The following MAGI2 variants were observed in gnomAD, a reference collection of about 807,000 sequenced individuals.
MAGI2 encodes membrane associated guanylate kinase, WW and PDZ domain containing 2, also known as membrane-associated guanylate kinase, WW and PDZ domain-containing protein 2.
Under a neutral mutation model 133.3 loss-of-function variants are expected in MAGI2, and 35 were observed. That is an observed-to-expected ratio of 0.26 (90% CI 0.20 to 0.35). MAGI2 has a LOEUF of 0.35. MAGI2 is among the 10% of genes least tolerant of loss of function. The pLI, the probability that MAGI2 is intolerant of heterozygous loss-of-function variation, is 1.00. For missense variants in MAGI2, 1,636 were observed against 1,863.4 expected, an observed-to-expected ratio of 0.88 and a Z score of 2.25; for synonymous variants, 729 against 710.6, an observed-to-expected ratio of 1.03 and a Z score of -0.41.
At chr7:78,693,146 C>T (rs145787463) in intron 2 of MAGI2, among the ~76,000 whole-genome samples, 1 of 152,258 alleles carries the variant, frequency 6.6e-6, no homozygotes, top group East Asian at 1.9e-4. Context: ...TTGCCACTTG[C>T]TGGTTGTGAA....
chr7:79,358,090 C>A (rs1842142825), intron 1 of MAGI2, among the ~76,000 whole-genome samples: 1 of 151,802 alleles, frequency 6.6e-6, no homozygotes, highest in Admixed American at 6.6e-5. Context: ...TATTAATGAG[C>A]TACTAGGTCC....
chr7:79,023,767 A>G (rs1479893298), intron 1 of MAGI2, among the ~76,000 whole-genome samples: 1 of 152,106 alleles, frequency 6.6e-6, no homozygotes, highest in Non-Finnish European at 1.5e-5. Context: ...ACCTAGGAAT[A>G]CAGTTAACCA....
At chr7:78,443,894 A>G (rs2151465248) in intron 6 of MAGI2, among the ~76,000 whole-genome samples, 1 of 152,242 alleles carries the variant, frequency 6.6e-6, no homozygotes, top group East Asian at 1.9e-4. Flanking sequence ...TTCTTTTCTT[A>G]GGAAGTAATA....
chr7:79,159,884 C>T (rs1824192146), intron 1 of MAGI2, among the ~76,000 whole-genome samples: 1 of 152,004 alleles, frequency 6.6e-6, no homozygotes, highest in Non-Finnish European at 1.5e-5. Context: ...TTTTATTCTG[C>T]ATGCTGTTAT....
intron 2 of MAGI2, among the ~76,000 whole-genome samples, chr7:78,842,695 T>A (rs574416337): frequency 6.6e-6 from 1 of 151,912 alleles, no homozygotes; most frequent in South Asian, 2.1e-4. Context: ...AAGAAAAAAA[T>A]CCTATATGCT....
intron 3 of MAGI2, among the ~76,000 whole-genome samples, chr7:78,596,801 C>T (rs566932261): frequency 1.7e-4 from 26 of 152,320 alleles, no homozygotes; most frequent in African/African-American, 6.0e-4. Context: ...GTCATCAAGA[C>T]ATCCTCATCT....
At chr7:78,667,637 A>G (rs1016731748) in intron 2 of MAGI2, among the ~76,000 whole-genome samples, 13 of 148,688 alleles carry the variant, frequency 8.7e-5, no homozygotes, top group East Asian at 2.0e-4. Context: ...GAGAACATGC[A>G]GTGTTTGGTT....
rs571227551 is a variant in MAGI2 at position 78,085,866 on chromosome 7, G to C, written c.3568-6781C>G. Among the ~76,000 whole-genome samples the C allele has an allele frequency of 2.0e-3, 289 of 144,660 alleles. 2 individuals carry two copies. The highest frequency in any genetic ancestry group is 1.6e-3 in the Non-Finnish European group (107 of 67,716). The allele number at this position is 144,660 out of a possible 152,430, so 94.9% of individuals were successfully genotyped here. Reference sequence around the variant, plus strand: ...TGTGTTTAGAAAAGATGTAGTCACAGCTCAGAAAATATCCGGCCTTTGACT... The same window carrying C: ...TGTGTTTAGAAAAGATGTAGTCACACCTCAGAAAATATCCGGCCTTTGACT... On this transcript the variant is annotated intron_variant, in intron 20 of 21. Transcript: ENST00000354212.
intron 21 of MAGI2, among the ~76,000 whole-genome samples, chr7:78,074,651 C>A (rs758968063): frequency 1.4e-4 from 22 of 152,150 alleles, no homozygotes; most frequent in Non-Finnish European, 3.1e-4. Flanking sequence ...TTTGCTGTTA[C>A]CCAATTCTGC....
At chr7:79,088,475 C>T (rs1393584435) in intron 1 of MAGI2, among the ~76,000 whole-genome samples, 1 of 152,054 alleles carries the variant, frequency 6.6e-6, no homozygotes, top group African/African-American at 2.4e-5. Flanking sequence ...AATTTGACTT[C>T]CTCTTTTCCT....
At chr7:79,171,770 A>ATATATATATATATATATATATTTTTTTT in intron 1 of MAGI2, among the ~76,000 whole-genome samples, 1 of 31,218 alleles carries the variant, frequency 3.2e-5, no homozygotes, top group Non-Finnish European at 1.1e-4. Flanking sequence ...ATATATATAT[A>ATATATATATATATATATATATTTTTTTT]TTTTTTTTTT....
intron 9 of MAGI2, among the ~76,000 whole-genome samples, chr7:78,297,603 GATTAAGA>G (rs1797393594): frequency 6.6e-6 from 1 of 151,036 alleles, no homozygotes; most frequent in African/African-American, 2.4e-5. Flanking sequence ...TGATAGACTG[GATTAAGA>G]AAATGTGGCA....
At chr7:79,005,226 C>T (rs948517860) in intron 2 of MAGI2, among the ~76,000 whole-genome samples, 2 of 152,032 alleles carry the variant, frequency 1.3e-5, no homozygotes, top group Non-Finnish European at 2.9e-5. Flanking sequence ...CTTCATTAGT[C>T]AATAATGTTA....
At chr7:79,302,737 T>C (rs1837484306) in intron 1 of MAGI2, among the ~76,000 whole-genome samples, 1 of 152,132 alleles carries the variant, frequency 6.6e-6, no homozygotes, top group Non-Finnish European at 1.5e-5. Flanking sequence ...GCAGGCCTGG[T>C]TAGAGGATTA....
chr7:78,869,132 G>T (rs1027103969), intron 2 of MAGI2, among the ~76,000 whole-genome samples: 1 of 152,118 alleles, frequency 6.6e-6, no homozygotes, highest in African/African-American at 2.4e-5. Flanking sequence ...GTAGATTTTG[G>T]CTATTAGTCC....
chr7:78,084,705 T>C (rs751673373), intron 20 of MAGI2, among the ~76,000 whole-genome samples: 4 of 152,146 alleles, frequency 2.6e-5, no homozygotes, highest in Non-Finnish European at 5.9e-5. Flanking sequence ...AATGAAATAA[T>C]GAAGTTCCAG....
chr7:78,168,005 T>G lies in MAGI2; in HGVS notation c.2507A>C (p.Lys836Thr). Residue 836 changes from lysine to threonine, a missense_variant, in exon 15 of 22, where the codon AAA (lysine) becomes ACA (threonine). Physicochemically the swap from Lys to Thr is moderately conservative, Grantham distance 78. Around this residue, in one of 5 missense-constraint regions of MAGI2, gnomAD observed 920 missense variants for 1,093.5 expected, o/e 0.84. Transcript: ENST00000354212. ...GAGGTCGATGACATAGCGGTGGGTT[T>G]TGCCGGCTACTGGAATCCCATCAAC... is the stretch of plus-strand genomic sequence containing the variant. ...VYVDGIPVAG[K>T]THRYVIDLMH... The G allele has an allele frequency of 6.2e-7, 1 of 1,614,110 alleles. No individual in the cohort carries two copies.
At chr7:79,433,148 C>T (rs1017150152) in intron 1 of MAGI2, among the ~76,000 whole-genome samples, 1 of 152,118 alleles carries the variant, frequency 6.6e-6, no homozygotes, top group Admixed American at 6.5e-5. Flanking sequence ...TGAGACTATT[C>T]CGATACATGA....
intron 2 of MAGI2, among the ~76,000 whole-genome samples, chr7:78,992,873 A>G (rs1805921416): frequency 6.6e-6 from 1 of 152,078 alleles, no homozygotes; most frequent in South Asian, 2.1e-4. Flanking sequence ...TCAAACTATA[A>G]TTAATTTTCT....
Sources: allele counts gnomAD v4.1 joint callset (sites outside exome capture counted in the v4.1 genomes callset), GRCh38; gene constraint gnomAD v4.1.1; regional missense constraint gnomAD v4.1.1; transcripts MANE v1.5; gene names NCBI Gene and HGNC (gene_info 2026-07-23, HGNC 2026-07-21).